The following YWHAB variants were observed in gnomAD, a reference collection of about 807,000 sequenced individuals.
YWHAB encodes the protein 14-3-3 protein beta/alpha.
YWHAB carries 2 observed loss-of-function variants against 28.5 expected under a neutral mutation model. That is an observed-to-expected ratio of 0.07 (90% confidence interval 0.03 to 0.22). YWHAB has a LOEUF of 0.22. YWHAB is among the 10% of genes least tolerant of loss of function. YWHAB has a pLI of 1.00. For missense variants in YWHAB, 148 were observed against 297.1 expected, an observed-to-expected ratio of 0.50 and a Z score of 3.69; for synonymous variants, 103 against 104.7, an observed-to-expected ratio of 0.98 and a Z score of 0.10.
rs1197467118 is a variant in YWHAB at position 44,906,683 on chromosome 20, CTG to C, written c.*251_*252del. The C allele has an allele frequency of 1.3e-5, 4 of 296,536 alleles. No individual in the cohort carries two copies. The highest frequency in any genetic ancestry group is 2.6e-5 in the Non-Finnish European group (4 of 156,774). 18.4% of individuals were successfully genotyped at this position (296,536 alleles called of 1,614,324 possible). The stretch of plus-strand genomic sequence containing the variant: ...ATTTTGATTAACATTGACAGGATTA[CTG>C]TGTGTTTAATTTTTTAAAAACTGAA... On this transcript the variant is annotated 3_prime_UTR_variant, in exon 6 of 6. Transcript: ENST00000353703.
At chr20:44,903,100 C>G (rs1380623726) in intron 2 of YWHAB, 1 of 986,322 alleles carries the variant, frequency 1.0e-6, no homozygotes. Flanking sequence ...GAAGCTTGGA[C>G]TCCTTCAGAA....
At chr20:44,892,334 C>T (rs892755591) in intron 1 of YWHAB, among the ~76,000 whole-genome samples, 4 of 152,086 alleles carry the variant, frequency 2.6e-5, no homozygotes, top group South Asian at 2.1e-4. Flanking sequence ...TTTTAAGTCA[C>T]GACCTAGCTA....
intron 1 of YWHAB, among the ~76,000 whole-genome samples, chr20:44,889,248 G>A (rs944297760): frequency 6.6e-6 from 1 of 152,192 alleles, no homozygotes; most frequent in African/African-American, 2.4e-5. Context: ...GTTGGAGCTG[G>A]ATTCTGAGGG....
chr20:44,892,420 GTT>G (rs552375397), intron 1 of YWHAB, among the ~76,000 whole-genome samples: 1 of 143,984 alleles, frequency 6.9e-6, no homozygotes, highest in African/African-American at 2.5e-5. Flanking sequence ...AACGTGTGCT[GTT>G]TTTTTTTTTA....
At chr20:44,896,049 T>G (rs1015753067) in intron 1 of YWHAB, among the ~76,000 whole-genome samples, 9 of 152,198 alleles carry the variant, frequency 5.9e-5, no homozygotes, top group African/African-American at 2.2e-4. Flanking sequence ...ATGTAAGTAA[T>G]TTTAGTACTG....
In YWHAB at chr20:44,904,026, A is replaced by C. The variant is rs1437521308; in HGVS notation, c.334A>C (p.Thr112Pro). 2.5e-6 allele frequency: 4 copies of C among 1,600,684 alleles called. No individual in the cohort carries two copies. Among genetic ancestry groups the C allele is most frequent in the Non-Finnish European group, 2.5e-6 (3 of 1,176,938 alleles). ...GGACAAATATCTTATTCCCAATGCT[A>C]CACAACCAGAAAGTAAGGTGTTCTA... Reference protein sequence around the residue: ...LLDKYLIPNATQPESKVFYLK... With the variant: ...LLDKYLIPNAPQPESKVFYLK... The change falls in exon 3 of 6, where the codon ACA becomes CCA. Residue 112 changes from threonine to proline, a missense_variant. Physicochemically the swap from Thr to Pro is conservative, Grantham distance 38 (BLOSUM62 -1). This residue lies in a region of YWHAB where 110 missense variants were observed against 177.9 expected (regional missense o/e 0.62). Transcript: ENST00000353703.
At position 44,908,176 on chromosome 20, in the gene YWHAB, A is replaced by G. The variant is rs2066670949; in HGVS notation, c.*1738A>G. On this transcript the variant is annotated 3_prime_UTR_variant, in exon 6 of 6. Coordinates refer to ENST00000353703, the MANE Select transcript of YWHAB (RefSeq NM_139323.4). Reference sequence around the variant, plus strand: ...CAAACCAAAAAAAAAGAAAAAAACAAAAAAAAAAATCCCTCCTTTCTAGCT... The same window carrying G: ...CAAACCAAAAAAAAAGAAAAAAACAGAAAAAAAAATCCCTCCTTTCTAGCT... 1 of 139,036 alleles carries G rather than the reference A, an allele frequency of 7.2e-6. No individual in the cohort carries two copies. The highest frequency in any genetic ancestry group is 3.2e-5 in the African/African-American group (1 of 30,886). The allele number at this position is 139,036 out of a possible 1,614,324, so 8.6% of individuals were successfully genotyped here.
intron 1 of YWHAB, among the ~76,000 whole-genome samples, chr20:44,889,609 A>G (rs2066548941): frequency 6.6e-6 from 1 of 152,204 alleles, no homozygotes; most frequent in Non-Finnish European, 1.5e-5. Flanking sequence ...TGAAGGCTAC[A>G]ATAAAGTAGA....
intron 1 of YWHAB, among the ~76,000 whole-genome samples, chr20:44,889,449 G>A (rs2066547429): frequency 6.7e-6 from 1 of 149,018 alleles, no homozygotes; most frequent in Non-Finnish European, 1.5e-5. Flanking sequence ...CTAGCAGATT[G>A]TAGGTTAGTT....
intron 1 of YWHAB, among the ~76,000 whole-genome samples, chr20:44,897,923 C>T (rs528851311): frequency 3.3e-5 from 5 of 152,202 alleles, no homozygotes; most frequent in Non-Finnish European, 7.4e-5. Flanking sequence ...TACAGTCACC[C>T]GGGGACTCAG....
intron 1 of YWHAB, among the ~76,000 whole-genome samples, chr20:44,895,123 T>C (rs2253712): frequency 0.26 from 40,008 of 152,018 alleles, 5,478 homozygotes; most frequent in Admixed American, 0.33. Context: ...ATAGGCAAGG[T>C]AAATCAGTGA....
chr20:44,904,723 T>C (rs1568637245), intron 3 of YWHAB, among the ~76,000 whole-genome samples: 1 of 152,236 alleles, frequency 6.6e-6, no homozygotes, highest in Non-Finnish European at 1.5e-5. Context: ...TTAAAGGTTA[T>C]AGCTGTATTT....
rs933285246 is a variant in YWHAB at position 44,901,649 on chromosome 20, C to A, written c.116C>A (p.Ser39Tyr). 6.2e-7 allele frequency: 1 copy of A among 1,613,954 alleles called. No individual in the cohort carries two copies. The highest frequency in any genetic ancestry group is 8.5e-7 in the Non-Finnish European group (1 of 1,179,974). Reference protein sequence around the residue: ...KAVTEQGHELSNEERNLLSVA... With the variant: ...KAVTEQGHELYNEERNLLSVA... ...GTCACAGAACAGGGGCATGAACTCTCCAACGAAGAGAGAAATCTGCTCTCT... is the reference window on the plus strand; with the variant it reads ...GTCACAGAACAGGGGCATGAACTCTACAACGAAGAGAGAAATCTGCTCTCT... The change falls in exon 2 of 6, where the codon TCC becomes TAC. Residue 39 changes from serine to tyrosine, a missense_variant. Transcript: ENST00000353703.
Position 44,901,786 on chromosome 20 carries a change from C to T in YWHAB, c.253C>T (p.Arg85Cys), listed in dbSNP as rs1330178791. ...EKKQQMGKEY[R>C]EKIEAELQDI... The stretch of plus-strand genomic sequence containing the variant: ...GAAGCAGCAGATGGGCAAAGAGTAC[C>T]GTGAGAAGATAGAGGCAGAACTGCA... The change falls in exon 2 of 6, where the codon CGT becomes TGT. Residue 85 changes from arginine (R) to cysteine (C), a missense_variant. Arg to Cys is a radical substitution (Grantham distance 180, BLOSUM62 -3). This residue lies in a region of YWHAB where 110 missense variants were observed against 177.9 expected (regional missense o/e 0.62). Transcript: ENST00000353703. 2.5e-6 allele frequency: 4 copies of T among 1,611,036 alleles called. No homozygotes were observed. Among genetic ancestry groups the T allele is most frequent in the Non-Finnish European group, 3.4e-6 (4 of 1,177,646 alleles).
At chr20:44,901,505 T>C (rs758637965) in intron 1 of YWHAB, 26 bp from the exon 2 acceptor site, 101 of 1,555,770 alleles carry the variant, frequency 6.5e-5, no homozygotes, top group Non-Finnish European at 8.4e-5. Flanking sequence ...CATTTGCTCT[T>C]TCTTTTTCTC....
chr20:44,891,597 T>C (rs1373028654), intron 1 of YWHAB, among the ~76,000 whole-genome samples: 1 of 152,228 alleles, frequency 6.6e-6, no homozygotes, highest in Non-Finnish European at 1.5e-5. Context: ...GTCTTTTGGA[T>C]TGATTACTTA....
rs566606129 is a variant in YWHAB, at chr20:44,898,815, T to G, written c.-3-2716T>G. Among the ~76,000 whole-genome samples, 20 of 149,516 alleles carry G rather than the reference T, an allele frequency of 1.3e-4. No homozygotes were observed. The South Asian group carries it at 4.0e-3, about 30-fold the overall frequency. ...GCCACTGCGCCCAGCAGAAAATGGTTAATTTAAAAATAGCAAAGAGGCCAA... is the reference window on the plus strand; with the variant it reads ...GCCACTGCGCCCAGCAGAAAATGGTGAATTTAAAAATAGCAAAGAGGCCAA... On this transcript the variant is annotated intron_variant, in intron 1 of 5. Transcript: ENST00000353703.
intron 1 of YWHAB, among the ~76,000 whole-genome samples, chr20:44,893,656 A>G (rs2066576878): frequency 6.7e-6 from 1 of 149,336 alleles, no homozygotes; most frequent in Non-Finnish European, 1.5e-5. Flanking sequence ...TTTGATGGCC[A>G]CGTAATCTTG....
chr20:44,898,718 G>A (rs1258907115), intron 1 of YWHAB, among the ~76,000 whole-genome samples: 1 of 152,064 alleles, frequency 6.6e-6, no homozygotes, highest in Admixed American at 6.5e-5. Context: ...GTGTTAGCCA[G>A]GATGGTCTCG....
Sources: allele counts gnomAD v4.1 joint callset (sites outside exome capture counted in the v4.1 genomes callset), GRCh38; gene constraint gnomAD v4.1.1; regional missense constraint gnomAD v4.1.1; transcripts MANE v1.5; gene names NCBI Gene and HGNC (gene_info 2026-07-23, HGNC 2026-07-21).